Variants in CHST11 observed in about 807,000 individuals in gnomAD.
The protein encoded by CHST11 is C4S-1.
A neutral mutation model predicts 30.4 loss-of-function variants in CHST11; 9 were observed. That is an observed-to-expected ratio of 0.30 (90% CI 0.18 to 0.52). CHST11 has a LOEUF of 0.52. CHST11 is among the 20% of genes least tolerant of loss of function. The probability of loss-of-function intolerance (pLI) is 0.97; values close to 1 mark genes in which losing one functional copy is unlikely to be tolerated. For missense variants in CHST11, 348 were observed against 460.6 expected, an observed-to-expected ratio of 0.76 and a Z score of 2.24; for synonymous variants, 152 against 187.8, an observed-to-expected ratio of 0.81 and a Z score of 1.56.
chr12:104,712,779 C>G (rs1286497245), intron 2 of CHST11, among the ~76,000 whole-genome samples: 1 of 152,122 alleles, frequency 6.6e-6, no homozygotes, highest in African/African-American at 2.4e-5. Context: ...CATAAATGCC[C>G]TTTTCTCCTG....
intron 2 of CHST11, among the ~76,000 whole-genome samples, chr12:104,686,326 C>T (rs529032743): frequency 2.0e-4 from 30 of 151,426 alleles, no homozygotes; most frequent in African/African-American, 7.0e-4. Flanking sequence ...GCTGATCCAG[C>T]GCTTGGCTGA....
intron 1 of CHST11, among the ~76,000 whole-genome samples, chr12:104,483,814 G>C (rs930992359): frequency 6.6e-6 from 1 of 152,182 alleles, no homozygotes; most frequent in African/African-American, 2.4e-5. Context: ...AATGACCCAG[G>C]TGAGGCCTGG....
chr12:104,527,041 C>A, intron 1 of CHST11, among the ~76,000 whole-genome samples: 1 of 152,212 alleles, frequency 6.6e-6, no homozygotes, highest in Non-Finnish European at 1.5e-5. Context: ...CTCCTCTTGC[C>A]AGTCCTTTCA....
chr12:104,663,468 A>G (rs1442846748), intron 2 of CHST11, among the ~76,000 whole-genome samples: 1 of 152,200 alleles, frequency 6.6e-6, no homozygotes. Flanking sequence ...CAATTTTGAT[A>G]AATATCTTTC....
intron 1 of CHST11, among the ~76,000 whole-genome samples, chr12:104,505,969 G>A (rs2037900533): frequency 6.6e-6 from 1 of 152,188 alleles, no homozygotes; most frequent in Admixed American, 6.5e-5. Context: ...TTCTGTCATG[G>A]GGTGGGAAGT....
intron 1 of CHST11, among the ~76,000 whole-genome samples, chr12:104,466,377 A>G (rs561979304): frequency 6.6e-6 from 1 of 152,358 alleles, no homozygotes; most frequent in East Asian, 1.9e-4. Context: ...ACACCCTCTG[A>G]TACTGTGTCT....
In CHST11 at chr12:104,757,719, G is replaced by A. The variant is rs529714210; in HGVS notation, c.975G>A (p.Glu325=). The A allele has an allele frequency of 6.2e-7, 1 of 1,614,136 alleles. No individual in the cohort carries two copies. The highest frequency in any genetic ancestry group is 8.5e-7 in the Non-Finnish European group (1 of 1,180,028). ...AATTCTTCCAGAACATCAGCTCAGAGCACCAAACGCAGCTGTACGAAGTCT... is the reference window on the plus strand; with the variant it reads ...AATTCTTCCAGAACATCAGCTCAGAACACCAAACGCAGCTGTACGAAGTCT... ...TTEFFQNISS[E]HQTQLYEVYK... is the part of the protein sequence containing the mutation. Residue 325 remains glutamate, a synonymous_variant, in exon 3 of 3, where the codon GAG becomes GAA. Coordinates refer to ENST00000303694, the MANE Select transcript of CHST11 (RefSeq NM_018413.6). The surrounding 1 kb of genome is among the most constrained non-coding windows in gnomAD (Gnocchi z 6.5).
intron 1 of CHST11, among the ~76,000 whole-genome samples, chr12:104,511,445 TG>T (rs1426015679): frequency 6.6e-6 from 1 of 152,238 alleles, no homozygotes; most frequent in Non-Finnish European, 1.5e-5. Context: ...GGCTTTCTTC[TG>T]GGTCTTCTGG....
intron 1 of CHST11, among the ~76,000 whole-genome samples, chr12:104,539,678 G>C (rs907905597): frequency 6.6e-6 from 1 of 152,146 alleles, no homozygotes; most frequent in Non-Finnish European, 1.5e-5. Flanking sequence ...ATAATTCATA[G>C]TAAAGCATAC....
intron 2 of CHST11, among the ~76,000 whole-genome samples, chr12:104,652,793 G>A (rs994434205): frequency 1.3e-5 from 2 of 152,200 alleles, no homozygotes; most frequent in African/African-American, 2.4e-5. Flanking sequence ...CTGTTTGCCT[G>A]TGGAAGCTGG....
intron 2 of CHST11, among the ~76,000 whole-genome samples, chr12:104,731,487 G>A (rs1392429932): frequency 6.6e-6 from 1 of 152,200 alleles, no homozygotes; most frequent in Non-Finnish European, 1.5e-5. Flanking sequence ...TATTTTGGGG[G>A]GATCAGAAGG....
intron 2 of CHST11, among the ~76,000 whole-genome samples, chr12:104,668,125 C>T (rs1043359723): frequency 7.9e-5 from 12 of 152,048 alleles, no homozygotes; most frequent in African/African-American, 1.9e-4. Flanking sequence ...CTTGAGCTAA[C>T]GACTTAACTT....
intron 1 of CHST11, among the ~76,000 whole-genome samples, chr12:104,531,255 T>A (rs1344373353): frequency 1.3e-5 from 2 of 152,000 alleles, no homozygotes; most frequent in African/African-American, 4.8e-5. Flanking sequence ...TTTGGGAGGC[T>A]GAGGTGAGAG....
At chr12:104,631,086 G>A (rs1200539868) in intron 2 of CHST11, among the ~76,000 whole-genome samples, 1 of 152,188 alleles carries the variant, frequency 6.6e-6, no homozygotes, top group African/African-American at 2.4e-5. Context: ...AGAGTGTTCA[G>A]AATCGATTTG....
intron 2 of CHST11, among the ~76,000 whole-genome samples, chr12:104,642,101 G>C (rs1273614057): frequency 6.6e-6 from 1 of 152,144 alleles, no homozygotes; most frequent in East Asian, 1.9e-4. Context: ...TGACACTTCT[G>C]AGAAGCCCAA....
chr12:104,664,073 G>A (rs566187707), intron 2 of CHST11, among the ~76,000 whole-genome samples: 1 of 152,318 alleles, frequency 6.6e-6, no homozygotes, highest in South Asian at 2.1e-4. Flanking sequence ...CTTCCAGCGA[G>A]CTATCTAGCA....
intron 1 of CHST11, among the ~76,000 whole-genome samples, chr12:104,471,488 G>A (rs1023172998): frequency 6.6e-6 from 1 of 152,192 alleles, no homozygotes; most frequent in African/African-American, 2.4e-5. Flanking sequence ...CAGCCAAAAA[G>A]TGAACAACTG....
At chr12:104,680,984 A>G (rs2039790364) in intron 2 of CHST11, among the ~76,000 whole-genome samples, 1 of 152,224 alleles carries the variant, frequency 6.6e-6, no homozygotes, top group Admixed American at 6.5e-5. Context: ...CACTGGGGAT[A>G]ATAATATCTA....
intron 1 of CHST11, among the ~76,000 whole-genome samples, chr12:104,565,712 G>T (rs2038558025): frequency 6.6e-6 from 1 of 152,180 alleles, no homozygotes; most frequent in Non-Finnish European, 1.5e-5. Flanking sequence ...CCAGGATGAG[G>T]AGACCCAGGG....
Sources: gnomAD v4.1 joint callset for allele counts (sites outside exome capture counted in the v4.1 genomes callset) on GRCh38, gnomAD v4.1.1 for gene constraint, Gnocchi (gnomAD v3.1) non-coding constraint, MANE v1.5 for transcripts, NCBI Gene and HGNC (gene_info 2026-07-23, HGNC 2026-07-21) for gene names.